NBAS: variants seen among roughly 807,000 people sequenced by gnomAD.
The protein encoded by NBAS is NBAS subunit of NRZ tethering complex.
Under a neutral mutation model 302.5 loss-of-function variants are expected in NBAS, and 219 were observed. The ratio of observed to expected loss-of-function variants is 0.72; its 90% CI spans 0.65 to 0.81. The LOEUF is 0.81. Among genes scored for constraint, NBAS ranks in the 30% least tolerant of loss-of-function variants. The pLI, the probability that NBAS is intolerant of heterozygous loss-of-function variation, is 0.00. For missense variants in NBAS, 2,932 were observed against 2,841.6 expected (o/e 1.03, Z -0.72); for synonymous variants, 1,118 against 1,021.6 (o/e 1.09, Z -1.80).
chr2:15,070,504 C>T, the NBAS span, among the ~76,000 whole-genome samples: 1 of 152,164 alleles, frequency 6.6e-6, no homozygotes, highest in African/African-American at 2.4e-5. Context: ...CCAACAAGAG[C>T]AGAACACTCC....
At chr2:15,229,355 A>AAC (rs1558456392) in intron 47 of NBAS, among the ~76,000 whole-genome samples, 1 of 145,802 alleles carries the variant, frequency 6.9e-6, no homozygotes. Context: ...AACAAAAAAA[A>AAC]AAAAAAAAAA....
chr2:14,849,974 T>A, the NBAS span, among the ~76,000 whole-genome samples: 7 of 139,116 alleles, frequency 5.0e-5, no homozygotes, highest in Non-Finnish European at 9.0e-5. Context: ...CGCTGCAAAA[T>A]CATGCCAAAA....
At chr2:15,105,452 C>A in the NBAS span, among the ~76,000 whole-genome samples, 3 of 150,190 alleles carry the variant, frequency 2.0e-5, no homozygotes, top group African/African-American at 7.4e-5. Context: ...ACCAGAATGA[C>A]TACTTACAAA....
chr2:15,466,262 C>T lies in NBAS; in HGVS notation c.2097+1067G>A, dbSNP rs960257460. 3.7e-4 allele frequency among the ~76,000 whole-genome samples: 56 copies of T among 152,164 alleles called. 1 individual carries two copies. Among genetic ancestry groups the T allele is most frequent in the Non-Finnish European group, 1.5e-5 (1 of 68,030 alleles). ...TATCAGATGTGACATACAGTGCCTA[C>T]TGTGTGCCAGTGCCAAGAGCTGCGA... On this transcript the variant is annotated intron_variant, in intron 19 of 51. Transcript: ENST00000281513.
At chr2:15,166,307 T>C (rs1664018854), downstream of NBAS, among the ~76,000 whole-genome samples, 1 of 152,214 alleles carries the variant, frequency 6.6e-6, no homozygotes, top group Non-Finnish European at 1.5e-5. Flanking sequence ...CACCTGCCTA[T>C]GTACGTTTAT....
chr2:15,287,264 A>T, intron 41 of NBAS, 81 bp from the exon 42 acceptor site: 1 of 1,049,334 alleles, frequency 9.5e-7, no homozygotes, highest in Non-Finnish European at 1.5e-6. Context: ...GCTCATTAGG[A>T]CTGCTCTCCA....
intron 21 of NBAS, among the ~76,000 whole-genome samples, chr2:15,451,254 A>G (rs1678996053): frequency 1.3e-5 from 2 of 152,036 alleles, no homozygotes; most frequent in Non-Finnish European, 2.9e-5. Context: ...GTCTTACTAC[A>G]TTGCCCAGCT....
chr2:15,234,509 C>A, intron 46 of NBAS, 36 bp downstream of exon 46: 8 of 1,601,028 alleles, frequency 5.0e-6, no homozygotes, highest in Non-Finnish European at 6.8e-6. Context: ...CAAAGTGTCA[C>A]CCCAGTTTTT....
intron 12 of NBAS, among the ~76,000 whole-genome samples, chr2:15,480,955 A>G (rs981273865): frequency 4.6e-5 from 7 of 152,222 alleles, no homozygotes; most frequent in Non-Finnish European, 1.0e-4. Context: ...AAGCAAAACC[A>G]CTAGCCCATT....
chr2:15,424,653 C>T lies in NBAS; in HGVS notation c.2424-185G>A, dbSNP rs372290065. On this transcript the variant is annotated intron_variant, in intron 22 of 51. Coordinates refer to ENST00000281513, the MANE Select transcript of NBAS (RefSeq NM_015909.4). ...AAGATAAATGAGACTTTTTTGGATG[C>T]GTAATTTATTTTCCCCCCGTTTTCC... is the stretch of plus-strand genomic sequence containing the variant. Among the ~76,000 whole-genome samples the T allele has an allele frequency of 3.1e-4, 47 of 152,236 alleles. 1 individual carries two copies. In the South Asian group the frequency reaches 7.0e-3, roughly 23 times the overall value.
chr2:15,108,463 A>G, the NBAS span, among the ~76,000 whole-genome samples: 1 of 152,054 alleles, frequency 6.6e-6, no homozygotes, highest in Admixed American at 6.5e-5. Context: ...GCTTTCCTCT[A>G]TTGACTCAAG....
the NBAS span, among the ~76,000 whole-genome samples, chr2:15,138,432 G>C: frequency 6.6e-6 from 1 of 152,112 alleles, no homozygotes; most frequent in Admixed American, 6.5e-5. Flanking sequence ...CCTCAGATCA[G>C]CCTCATGGAC....
chr2:14,997,787 G>T, the NBAS span, among the ~76,000 whole-genome samples: 13 of 152,110 alleles, frequency 8.5e-5, no homozygotes, highest in Non-Finnish European at 1.8e-4. Flanking sequence ...CAATCCCAGA[G>T]AGTAGAAACC....
At chr2:15,297,431 T>A (rs566749782) in intron 40 of NBAS, among the ~76,000 whole-genome samples, 37 of 152,308 alleles carry the variant, frequency 2.4e-4, no homozygotes, top group African/African-American at 8.9e-4. Context: ...AAGGCCCTGG[T>A]GGGAGGTAAC....
At chr2:14,782,808 G>A in the NBAS span, among the ~76,000 whole-genome samples, 7 of 152,154 alleles carry the variant, frequency 4.6e-5, no homozygotes, top group African/African-American at 1.7e-4. Flanking sequence ...CCTTTGCAGG[G>A]ACATGGATAG....
intron 50 of NBAS, among the ~76,000 whole-genome samples, chr2:15,183,658 C>T (rs1243126621): frequency 2.0e-5 from 3 of 152,084 alleles, no homozygotes; most frequent in African/African-American, 7.3e-5. Context: ...CTCATGTTCA[C>T]ACAGATGTGG....
chr2:15,459,856 T>C (rs1679429630), intron 21 of NBAS, among the ~76,000 whole-genome samples: 1 of 152,186 alleles, frequency 6.6e-6, no homozygotes, highest in African/African-American at 2.4e-5. Context: ...GTTTATAATA[T>C]ATTCTCGCTG....
chr2:15,005,650 T>G, the NBAS span, among the ~76,000 whole-genome samples: 2 of 152,204 alleles, frequency 1.3e-5, no homozygotes, highest in Non-Finnish European at 2.9e-5. Context: ...TGGCATTTCT[T>G]TCATCCAGAT....
chr2:15,098,573 A>C, the NBAS span, among the ~76,000 whole-genome samples: 12 of 118,898 alleles, frequency 1.0e-4, no homozygotes, highest in South Asian at 4.8e-4. Flanking sequence ...TATATTGTAT[A>C]TAATGTATTA....
Sources: allele counts gnomAD v4.1 joint callset (sites outside exome capture counted in the v4.1 genomes callset), GRCh38; gene constraint gnomAD v4.1.1; transcripts MANE v1.5; gene names NCBI Gene and HGNC (gene_info 2026-07-23, HGNC 2026-07-21).